The following FZD6 variants were observed in gnomAD, a reference collection of about 807,000 sequenced individuals.
FZD6 encodes frizzled-6.
A neutral mutation model predicts 61.4 loss-of-function variants in FZD6; 49 were observed. The ratio of observed to expected loss-of-function variants is 0.80; its 90% confidence interval spans 0.63 to 1.01. The LOEUF is 1.01. FZD6 is among the 50% of genes least tolerant of loss of function. The pLI is 0.00. For synonymous variants in FZD6, 265 were observed against 292.2 expected, an observed-to-expected ratio of 0.91 and a Z score of 0.95; for missense variants, 724 against 848.2, an observed-to-expected ratio of 0.85 and a Z score of 1.82.
intron 4 of FZD6, among the ~76,000 whole-genome samples, chr8:103,326,256 C>T (rs531324279): frequency 1.2e-4 from 18 of 152,212 alleles, no homozygotes; most frequent in Admixed American, 8.5e-4. Flanking sequence ...CATATAATAG[C>T]TTATATTTCA....
Position 103,330,000 on chromosome 8 carries a change from T to G in FZD6, c.1887T>G (p.Ser629=), listed in dbSNP as rs562946886. 4 of 1,614,094 alleles carry G rather than the reference T, an allele frequency of 2.5e-6. No homozygotes were observed. The highest frequency in any genetic ancestry group is 1.7e-5 in the Admixed American group (1 of 60,024). The change falls in exon 6 of 7, where the codon TCT becomes TCG. Residue 629 remains serine (S), a synonymous_variant. Transcript: ENST00000358755. The part of the protein sequence containing the change: ...ASPAASISRL[S]GEQVDGKGQA... ...CAGCAGCATCCATCTCCAGACTCTC[T>G]GGGGAACAGGTCGACGGGAAGGGCC... is the stretch of plus-strand genomic sequence containing the variant.
In FZD6 at chr8:103,331,470, G is replaced by T; in HGVS notation, c.2082G>T (p.Val694=). 4.3e-6 allele frequency: 7 copies of T among 1,612,696 alleles called. No homozygotes were observed. Among genetic ancestry groups the T allele is most frequent in the Non-Finnish European group, 5.9e-6 (7 of 1,178,690 alleles). Residue 694 remains valine (V), a synonymous_variant, in exon 7 of 7, where the codon GTG becomes GTT. Coordinates refer to ENST00000358755, the MANE Select transcript of FZD6 (RefSeq NM_003506.4). The part of the protein sequence containing the change: ...TSLLVHPVSG[V]RKEQGGGCHS... ...TGCTTGTTCACCCGGTTTCAGGAGT[G>T]AGAAAAGAGCAGGGAGGTGGTTGTC...
intron 6 of FZD6, 102 bp from the exon 7 acceptor site, chr8:103,331,239 C>T: frequency 2.4e-6 from 2 of 837,310 alleles, no homozygotes; most frequent in Admixed American, 3.4e-5. Context: ...GCTATTTATT[C>T]TCTGATAAAG....
At chr8:103,310,615 T>C (rs1297091732) in intron 2 of FZD6, among the ~76,000 whole-genome samples, 1 of 152,094 alleles carries the variant, frequency 6.6e-6, no homozygotes, top group African/African-American at 2.4e-5. Context: ...GCCAGTTTGT[T>C]ATTCTCTTCC....
Position 103,300,138 on chromosome 8 carries a change from A to G in FZD6, c.31A>G (p.Ile11Val). 1.2e-6 allele frequency: 2 copies of G among 1,604,000 alleles called. No individual in the cohort carries two copies. Among genetic ancestry groups the G allele is most frequent in the East Asian group, 2.2e-5 (1 of 44,800 alleles). Residue 11 changes from isoleucine to valine, a missense_variant, in exon 2 of 7, where the codon ATT (isoleucine) becomes GTT (valine). Physicochemically the swap from Ile to Val is conservative, Grantham distance 29. Transcript: ENST00000358755. MEMFTFLLTC[I>V]FLPLLRGHSL... ...AATGTTTACATTTTTGTTGACGTGT[A>G]TTTTTCTACCCCTCCTAAGAGGGCA... is the stretch of plus-strand genomic sequence containing the variant.
At chr8:103,320,093 G>A (rs1312679577) in intron 3 of FZD6, among the ~76,000 whole-genome samples, 2 of 40,916 alleles carry the variant, frequency 4.9e-5, no homozygotes, top group Admixed American at 3.0e-4. Context: ...AGGATAGGAT[G>A]GCTGTGGATA....
At chr8:103,328,550 GAA>G in intron 5 of FZD6, 134 bp downstream of exon 5, 1 of 747,440 alleles carries the variant, frequency 1.3e-6, no homozygotes, top group South Asian at 1.7e-5. Flanking sequence ...CTGAAGTTTG[GAA>G]ATTTTTTTTA....
intron 2 of FZD6, among the ~76,000 whole-genome samples, chr8:103,317,825 CAAAAA>C (rs60176627): frequency 6.0e-5 from 8 of 133,594 alleles, no homozygotes; most frequent in South Asian, 2.5e-4. Flanking sequence ...GACTCTGTCT[CAAAAA>C]AAAAAAAAAA....
rs1814696126 is a variant in FZD6, at chr8:103,318,596, C to G, written c.184C>G (p.Leu62Val). Residue 62 changes from leucine (L) to valine (V), a missense_variant, in exon 3 of 7, where the codon CTT (leucine) becomes GTT (valine). By Grantham distance (32) the Leu-to-Val change is conservative. Transcript: ENST00000358755. ...SIAAVEMEHF[L>V]PLANLECSPN... ...ATCTTGATGTCTTTAATAGCATTTT[C>G]TTCCTCTCGCAAATCTGGAATGTTC... 6.3e-7 allele frequency: 1 copy of G among 1,592,268 alleles called. No individual in the cohort carries two copies. The highest frequency in any genetic ancestry group is 8.6e-7 in the Non-Finnish European group (1 of 1,160,274).
intron 1 of FZD6, among the ~76,000 whole-genome samples, 151 bp downstream of exon 1, chr8:103,299,146 G>A (rs372052056): frequency 1.3e-5 from 2 of 152,178 alleles, no homozygotes; most frequent in South Asian, 2.1e-4. Context: ...CCGCACCTGA[G>A]TTTCCTCGGA....
chr8:103,318,655 T>G lies in FZD6; in HGVS notation c.243T>G (p.Phe81Leu). 6.2e-7 allele frequency: 1 copy of G among 1,610,726 alleles called. No homozygotes were observed. Among genetic ancestry groups the G allele is most frequent in the Non-Finnish European group, 8.5e-7 (1 of 1,176,890 alleles). ...PNIETFLCKA[F>L]VPTCIEQIHV... Reference sequence around the variant, plus strand: ...TTGAAACTTTCCTCTGCAAAGCATTTGTACCAACCTGCATAGAACAAATTC... The same window carrying G: ...TTGAAACTTTCCTCTGCAAAGCATTGGTACCAACCTGCATAGAACAAATTC... The change falls in exon 3 of 7, where the codon TTT (phenylalanine) becomes TTG (leucine). Residue 81 changes from phenylalanine to leucine, a missense_variant. Transcript: ENST00000358755.
At chr8:103,328,908 G>A (rs977078969) in intron 5 of FZD6, among the ~76,000 whole-genome samples, 3 of 150,088 alleles carry the variant, frequency 2.0e-5, no homozygotes, top group South Asian at 4.2e-4. Context: ...ACACAGCTAT[G>A]ACCTAAACTT....
rs745621688 is a variant in FZD6 at position 103,325,257 on chromosome 8, C to T, written c.1151C>T (p.Ser384Phe). Residue 384 changes from serine (S) to phenylalanine (F), a missense_variant, in exon 4 of 7, where the codon TCT (serine) becomes TTT (phenylalanine). Transcript: ENST00000358755. ...PLCLCVFVGL[S>F]LLLAGIISLN... ...TGCCTTTGTGTGTTTGTTGGGCTCT[C>T]TCTTCTTTTAGCTGGCATTATTTCC... is the stretch of plus-strand genomic sequence containing the variant. 3 of 1,614,152 alleles carry T rather than the reference C, an allele frequency of 1.9e-6. No individual in the cohort carries two copies. The highest frequency in any genetic ancestry group is 1.1e-5 in the South Asian group (1 of 91,088).
At position 103,324,643 on chromosome 8, in the gene FZD6, C is replaced by T; in HGVS notation, c.537C>T (p.Asp179=). 6.2e-7 allele frequency: 1 copy of T among 1,614,130 alleles called. No homozygotes were observed. The highest frequency in any genetic ancestry group is 1.1e-5 in the South Asian group (1 of 91,078). Residue 179 remains aspartate (D), a synonymous_variant, in exon 4 of 7, where the codon GAC becomes GAT. Transcript: ENST00000358755. ...GGQGYKFLGI[D]QCAPPCPNMY... ...AAGGATATAAGTTTCTGGGAATTGA[C>T]CAGTGTGCGCCTCCATGCCCCAACA... is the stretch of plus-strand genomic sequence containing the variant.
intron 3 of FZD6, among the ~76,000 whole-genome samples, chr8:103,321,685 G>C (rs1387409823): frequency 2.0e-5 from 3 of 152,216 alleles, no homozygotes; most frequent in African/African-American, 7.2e-5. Context: ...ATTCTTTGAG[G>C]TCTGTAGTTT....
chr8:103,324,992 G>A lies in FZD6; in HGVS notation c.886G>A (p.Gly296Ser), dbSNP rs1295529759. 7 of 1,614,164 alleles carry A rather than the reference G, an allele frequency of 4.3e-6. No homozygotes were observed. Among genetic ancestry groups the A allele is most frequent in the Non-Finnish European group, 5.1e-6 (6 of 1,180,020 alleles). The change falls in exon 4 of 7, where the codon GGC (glycine) becomes AGC (serine). Residue 296 changes from glycine (G) to serine (S), a missense_variant. Physicochemically the swap from Gly to Ser is moderately conservative, Grantham distance 56. Coordinates refer to ENST00000358755, the MANE Select transcript of FZD6 (RefSeq NM_003506.4). Reference protein sequence around the residue: ...FMLLYFFTMAGTVWWVILTIT... With the variant: ...FMLLYFFTMASTVWWVILTIT... ...GCTTTTGTATTTTTTCACAATGGCT[G>A]GCACTGTGTGGTGGGTGATTCTTAC...
chr8:103,325,441 G>A lies in FZD6; in HGVS notation c.1335G>A (p.Trp445Ter), dbSNP rs1336606160. The change falls in exon 4 of 7, where the codon TGG (tryptophan) becomes TGA (stop). Residue 445 changes from tryptophan (W) to a stop codon, truncating the protein, a stop_gained. Transcript: ENST00000358755. LOFTEE classifies it high-confidence loss of function. ...YVYEQVNRIT[W>*]EITWVSDHCR... ...ATGAGCAAGTGAACAGGATTACCTG[G>A]GAGATAACTTGGGTCTCTGATCATT... The A allele has an allele frequency of 6.2e-7, 1 of 1,613,516 alleles. No homozygotes were observed. Among genetic ancestry groups the A allele is most frequent in the African/African-American group, 1.3e-5 (1 of 74,870 alleles).
chr8:103,303,923 C>G (rs3808561), intron 2 of FZD6, among the ~76,000 whole-genome samples: 129 of 108,092 alleles, frequency 1.2e-3, no homozygotes, highest in East Asian at 9.2e-3. Flanking sequence ...CTATATGAGT[C>G]AGTTTTTTTT....
intron 5 of FZD6, among the ~76,000 whole-genome samples, chr8:103,328,801 G>T (rs1563694691): frequency 2.0e-5 from 3 of 151,126 alleles, no homozygotes; most frequent in Non-Finnish European, 4.4e-5. Flanking sequence ...AAGGATAAAA[G>T]ATTAAGACTT....
Sources: allele counts gnomAD v4.1 joint callset (sites outside exome capture counted in the v4.1 genomes callset), GRCh38; gene constraint gnomAD v4.1.1; transcripts MANE v1.5; gene names NCBI Gene and HGNC (gene_info 2026-07-23, HGNC 2026-07-21).